The following HDAC9 variants were observed in gnomAD, a reference collection of about 807,000 sequenced individuals.
HDAC9 encodes the protein MEF-2 interacting transcription repressor (MITR) protein.
HDAC9 carries 41 observed loss-of-function variants against 139.4 expected under a neutral mutation model. The ratio of observed to expected loss-of-function variants is 0.29; its 90% CI spans 0.23 to 0.38. The LOEUF is 0.38. HDAC9 is among the 10% of genes least tolerant of loss of function. HDAC9 has a pLI of 1.00. For synonymous variants in HDAC9, 517 were observed against 476.2 expected (o/e 1.09, Z -1.12); for missense variants, 1,147 against 1,297.0 (o/e 0.88, Z 1.78).
chr7:18,921,341 A>C (rs1158334871), intron 22 of HDAC9, among the ~76,000 whole-genome samples: 1 of 151,730 alleles, frequency 6.6e-6, no homozygotes, highest in Non-Finnish European at 1.5e-5. Context: ...TATCTGACAA[A>C]GGGCTAATAT....
At chr7:18,790,792 G>T (rs967557648) in intron 16 of HDAC9, among the ~76,000 whole-genome samples, 1 of 152,032 alleles carries the variant, frequency 6.6e-6, no homozygotes, top group Non-Finnish European at 1.5e-5. Context: ...TTCCTAAAGA[G>T]AACTTCTTTA....
intron 1 of HDAC9, among the ~76,000 whole-genome samples, chr7:18,123,917 G>T (rs1188084434): frequency 6.6e-6 from 1 of 152,160 alleles, no homozygotes; most frequent in Non-Finnish European, 1.5e-5. Flanking sequence ...CACCAAATAT[G>T]TAAGAATCTT....
At chr7:18,994,751 C>CT (rs897837971) in intron 25 of HDAC9, among the ~76,000 whole-genome samples, 2 of 152,062 alleles carry the variant, frequency 1.3e-5, no homozygotes, top group African/African-American at 4.8e-5. Flanking sequence ...GAAATCTTGG[C>CT]TTTTTTTCTT....
At chr7:18,367,930 C>G (rs1784311559) in intron 1 of HDAC9, among the ~76,000 whole-genome samples, 1 of 152,022 alleles carries the variant, frequency 6.6e-6, no homozygotes, top group South Asian at 2.1e-4. Context: ...GGTTGAGTAT[C>G]TTTTGAAACT....
At chr7:18,442,418 G>A (rs966121143) in intron 1 of HDAC9, among the ~76,000 whole-genome samples, 1 of 152,102 alleles carries the variant, frequency 6.6e-6, no homozygotes, top group African/African-American at 2.4e-5. Flanking sequence ...CCCACCAGTT[G>A]CCGGACTCAC....
At chr7:18,719,678 C>T (rs1028476225) in intron 12 of HDAC9, among the ~76,000 whole-genome samples, 1 of 151,942 alleles carries the variant, frequency 6.6e-6, no homozygotes, top group Non-Finnish European at 1.5e-5. Context: ...GTCTCTTTTG[C>T]CTTTGGTCTT....
chr7:18,837,213 A>G (rs927195556), intron 21 of HDAC9, among the ~76,000 whole-genome samples: 1 of 151,756 alleles, frequency 6.6e-6, no homozygotes, highest in Non-Finnish European at 1.5e-5. Flanking sequence ...TTTGGGAAAA[A>G]ATATACACAA....
chr7:18,761,383 G>C (rs1210476976), intron 14 of HDAC9, among the ~76,000 whole-genome samples: 1 of 152,210 alleles, frequency 6.6e-6, no homozygotes, highest in Non-Finnish European at 1.5e-5. Context: ...AACAGTGTCT[G>C]ATTAAACAGC....
At chr7:18,385,036 A>G (rs1785789166) in intron 1 of HDAC9, among the ~76,000 whole-genome samples, 2 of 152,292 alleles carry the variant, frequency 1.3e-5, no homozygotes, top group South Asian at 2.1e-4. Flanking sequence ...TAATCCTTCA[A>G]TCCTTCTTTT....
intron 22 of HDAC9, among the ~76,000 whole-genome samples, chr7:18,920,391 G>C (rs1220725227): frequency 1.3e-5 from 2 of 152,006 alleles, no homozygotes; most frequent in Non-Finnish European, 2.9e-5. Flanking sequence ...AGGAGATTTT[G>C]GGCTGAGACA....
chr7:18,091,284 A>C (rs1434790964), intron 1 of HDAC9, among the ~76,000 whole-genome samples: 5 of 152,202 alleles, frequency 3.3e-5, no homozygotes, highest in Non-Finnish European at 7.3e-5. Context: ...GAGGAAAACT[A>C]CTATCTATTG....
intron 1 of HDAC9, among the ~76,000 whole-genome samples, chr7:18,303,469 G>T (rs1585080620): frequency 6.7e-6 from 1 of 149,398 alleles, no homozygotes; most frequent in Admixed American, 6.7e-5. Flanking sequence ...GGATGGTCTC[G>T]ATATCCTGAC....
rs185786921 is a variant in HDAC9 at position 18,626,842 on chromosome 7, T to C, written c.665-2508T>C. 2.4e-3 allele frequency among the ~76,000 whole-genome samples: 372 copies of C among 152,282 alleles called. 4 individuals carry two copies. Among genetic ancestry groups the C allele is most frequent in the African/African-American group, 8.7e-3 (363 of 41,552 alleles). ...TCATCTAGAATGTTTAAATGGCATA[T>C]GCTATTTTTCCAATCTGTCAGCACA... On this transcript the variant is annotated intron_variant, in intron 6 of 25. Coordinates refer to ENST00000686413, the MANE Select transcript of HDAC9 (RefSeq NM_178425.4).
At position 18,129,913 on chromosome 7, in the gene HDAC9, C is replaced by G. The variant is rs139958492; in HGVS notation, c.-96-32316C>G. 4.6e-3 allele frequency among the ~76,000 whole-genome samples: 702 copies of G among 152,234 alleles called. 8 individuals carry two copies. Among genetic ancestry groups the G allele is most frequent in the African/African-American group, 0.016 (682 of 41,546 alleles). On this transcript the variant is annotated intron_variant, in intron 1 of 12. Coordinates refer to the HDAC9 transcript ENST00000417496. ...TGAATGAGAATAACAGTGTCACCCACTCTAGAATGGATATATTTAAATTCT... is the reference window on the plus strand; with the variant it reads ...TGAATGAGAATAACAGTGTCACCCAGTCTAGAATGGATATATTTAAATTCT...
chr7:18,296,069 G>T (rs1798128152), intron 1 of HDAC9, among the ~76,000 whole-genome samples: 1 of 152,096 alleles, frequency 6.6e-6, no homozygotes. Context: ...TGTAGTAAGT[G>T]ATCTTTGAAT....
At chr7:18,669,889 G>C (rs1343414893) in intron 12 of HDAC9, among the ~76,000 whole-genome samples, 1 of 151,780 alleles carries the variant, frequency 6.6e-6, no homozygotes, top group Non-Finnish European at 1.5e-5. Context: ...GGTTGATGAA[G>C]TGTAGACTGC....
At chr7:18,640,855 T>C (rs1380658758) in intron 8 of HDAC9, among the ~76,000 whole-genome samples, 1 of 152,092 alleles carries the variant, frequency 6.6e-6, no homozygotes, top group Non-Finnish European at 1.5e-5. Context: ...GTAGATGTCC[T>C]GGTGCCCTTC....
intron 17 of HDAC9, among the ~76,000 whole-genome samples, chr7:18,794,013 C>T (rs926667659): frequency 1.3e-5 from 2 of 152,124 alleles, no homozygotes; most frequent in Non-Finnish European, 2.9e-5. Flanking sequence ...TTTTCTACAT[C>T]GTATGAAAAG....
At chr7:18,611,595 C>T (rs1048332730) in intron 6 of HDAC9, among the ~76,000 whole-genome samples, 1 of 152,024 alleles carries the variant, frequency 6.6e-6, no homozygotes, top group Non-Finnish European at 1.5e-5. Flanking sequence ...TTGAAGACAG[C>T]GAGTTTTGTT....
Sources: gnomAD v4.1 joint callset for allele counts (sites outside exome capture counted in the v4.1 genomes callset) on GRCh38, gnomAD v4.1.1 for gene constraint, MANE v1.5 for transcripts, NCBI Gene and HGNC (gene_info 2026-07-23, HGNC 2026-07-21) for gene names.